Variants in SH2D1B observed in about 807,000 individuals in gnomAD.
SH2D1B encodes SH2 domain containing 1B.
A neutral mutation model predicts 16.3 loss-of-function variants in SH2D1B; 11 were observed. That is an observed-to-expected ratio of 0.67 (90% confidence interval 0.42 to 1.11). The LOEUF (loss-of-function observed/expected upper bound fraction) is 1.11, where lower values mean the gene tolerates loss of function less well. SH2D1B is among the 50% of genes most tolerant of loss of function. The pLI, the probability that SH2D1B is intolerant of heterozygous loss-of-function variation, is 0.00. For missense variants in SH2D1B, 123 were observed against 153.1 expected, an observed-to-expected ratio of 0.80 and a Z score of 1.04; for synonymous variants, 55 against 56.1, an observed-to-expected ratio of 0.98 and a Z score of 0.09.
At chr1:162,403,949 G>A (rs1648590568) in intron 1 of SH2D1B, among the ~76,000 whole-genome samples, 1 of 151,962 alleles carries the variant, frequency 6.6e-6, no homozygotes, top group South Asian at 2.1e-4. Flanking sequence ...AGTGAGAGGG[G>A]GAGGATTAGG....
intron 2 of SH2D1B, among the ~76,000 whole-genome samples, chr1:162,399,681 CCT>C (rs1233415788): frequency 6.6e-6 from 1 of 152,134 alleles, no homozygotes; most frequent in Non-Finnish European, 1.5e-5. Flanking sequence ...CCAACAGGCC[CCT>C]GTGTGTGTTG....
chr1:162,400,286 CTTTTTT>C (rs1241054289), intron 2 of SH2D1B, among the ~76,000 whole-genome samples: 1 of 83,288 alleles, frequency 1.2e-5, no homozygotes, highest in South Asian at 4.5e-4. Flanking sequence ...ACACCACGTA[CTTTTTT>C]TTTTTTTTTT....
At chr1:162,403,531 T>A (rs867527196) in intron 1 of SH2D1B, among the ~76,000 whole-genome samples, 1,945 of 102,948 alleles carry the variant, frequency 0.019, 109 homozygotes, top group South Asian at 0.11. Flanking sequence ...TATATATATA[T>A]ATATATATAT....
At position 162,395,692 on chromosome 1, in the gene SH2D1B, A is replaced by G. The variant is rs1648357850; in HGVS notation, c.*1588T>C. 3 of 152,230 alleles carry G rather than the reference A, an allele frequency of 2.0e-5. No homozygotes were observed. Among genetic ancestry groups the G allele is most frequent in the Non-Finnish European group, 4.4e-5 (3 of 68,048 alleles). 9.4% of individuals were successfully genotyped at this position (152,230 alleles called of 1,614,324 possible). ...TAGTAGATCTAATGAGAGGGTTAAC[A>G]TTTCACCAACACCATATCCTATTAG... On this transcript the variant is annotated 3_prime_UTR_variant, in exon 4 of 4. Transcript: ENST00000367929.
In SH2D1B at chr1:162,412,022, A is replaced by G. The variant is rs1210545699; in HGVS notation, c.-6T>C. 1.2e-6 allele frequency: 2 copies of G among 1,614,066 alleles called. No individual in the cohort carries two copies. Among genetic ancestry groups the G allele is most frequent in the Non-Finnish European group, 1.7e-6 (2 of 1,179,968 alleles). On this transcript the variant is annotated 5_prime_UTR_variant, in exon 1 of 4. Transcript: ENST00000367929. ...TGGTAGTAAGGCAGATCCATGGAGA[A>G]CGCTCTTGTATCCCAGGAAGCCCTG...
At chr1:162,405,591 T>C (rs181331248) in intron 1 of SH2D1B, among the ~76,000 whole-genome samples, 35 of 152,330 alleles carry the variant, frequency 2.3e-4, no homozygotes, top group African/African-American at 7.5e-4. Context: ...ATTTTTGCAG[T>C]TATGTTCTCA....
chr1:162,395,629 C>T lies in SH2D1B; in HGVS notation c.*1651G>A, dbSNP rs970219262. On this transcript the variant is annotated 3_prime_UTR_variant, in exon 4 of 4. Coordinates refer to ENST00000367929, the MANE Select transcript of SH2D1B (RefSeq NM_053282.5). ...TGTTATTATTTATAGCTGACAAAAT[C>T]ATTTACATAGAAAACACAATAGAAT... is the stretch of plus-strand genomic sequence containing the variant. The T allele has an allele frequency of 2.0e-5, 3 of 152,132 alleles. No homozygotes were observed. The highest frequency in any genetic ancestry group is 4.4e-5 in the Non-Finnish European group (3 of 68,012). The allele number at this position is 152,132 out of a possible 1,614,324, so 9.4% of individuals were successfully genotyped here.
At chr1:162,400,039 T>C (rs1044352754) in intron 2 of SH2D1B, among the ~76,000 whole-genome samples, 7 of 152,242 alleles carry the variant, frequency 4.6e-5, no homozygotes, top group Admixed American at 3.3e-4. Context: ...ATGGTGTATA[T>C]GTACCACATT....
rs370447769 is a variant in SH2D1B, at chr1:162,403,574, T to C, written c.135-772A>G. ...TACTATATAACCTCACTACTGTGTA[T>C]ATATCCAATGGAAATGAATCTAGTA... On this transcript the variant is annotated intron_variant, in intron 1 of 3. Coordinates refer to ENST00000367929, the MANE Select transcript of SH2D1B (RefSeq NM_053282.5). 7.2e-5 allele frequency among the ~76,000 whole-genome samples: 10 copies of C among 139,370 alleles called. No individual in the cohort carries two copies. The East Asian group carries it at 1.9e-3, about 26-fold the overall frequency. 91.4% of individuals were successfully genotyped at this position (139,370 alleles called of 152,430 possible). A position where few individuals can be genotyped will look rare whatever the true frequency, so the allele number is the denominator to read the frequency against.
At chr1:162,399,520 A>C (rs778925304) in intron 2 of SH2D1B, among the ~76,000 whole-genome samples, 16 of 152,220 alleles carry the variant, frequency 1.1e-4, no homozygotes, top group Non-Finnish European at 1.3e-4. Context: ...TTTTAAGTTC[A>C]GGGGTACATG....
At position 162,412,088 on chromosome 1, in the gene SH2D1B, GGA is replaced by G; in HGVS notation, c.-74_-73del. 6.3e-7 allele frequency: 1 copy of G among 1,593,092 alleles called. No individual in the cohort carries two copies. The highest frequency in any genetic ancestry group is 1.3e-5 in the African/African-American group (1 of 74,660). On this transcript the variant is annotated 5_prime_UTR_variant, in exon 1 of 4. Coordinates refer to ENST00000367929, the MANE Select transcript of SH2D1B (RefSeq NM_053282.5). ...CCCCCAAGTCAAGGGACAGCTCTGA[GGA>G]GAGATGTGTAAGCAGCTGTACCTCC...
intron 2 of SH2D1B, 111 bp downstream of exon 2, chr1:162,402,628 T>A: frequency 6.8e-6 from 6 of 877,844 alleles, no homozygotes; most frequent in Non-Finnish European, 1.1e-5. Context: ...TGCATTGTGC[T>A]TTCCTTTTTA....
chr1:162,400,828 A>G (rs1052926629), intron 2 of SH2D1B, among the ~76,000 whole-genome samples: 1 of 152,004 alleles, frequency 6.6e-6, no homozygotes, highest in Non-Finnish European at 1.5e-5. Flanking sequence ...AGACGCCTGT[A>G]ATCCCAGCTA....
chr1:162,397,460 G>A (rs1648406012), intron 3 of SH2D1B, 145 bp from the exon 4 acceptor site: 2 of 800,142 alleles, frequency 2.5e-6, no homozygotes, highest in African/African-American at 3.5e-5. Flanking sequence ...TTTAAAGGCT[G>A]GGGTACTACA....
In SH2D1B at chr1:162,411,974, A is replaced by G; in HGVS notation, c.43T>C (p.Cys15Arg). ...YYHGRLTKQD[C>R]ETLLLKEGVD... is the part of the protein sequence containing the mutation. ...CCTTCCTTGAGCAGCAAGGTCTCAC[A>G]GTCTTGCTTGGTCAGACGTCCATGG... is the stretch of plus-strand genomic sequence containing the variant. The change falls in exon 1 of 4, where the codon TGT becomes CGT. Residue 15 changes from cysteine to arginine, a missense_variant. Coordinates refer to ENST00000367929, the MANE Select transcript of SH2D1B (RefSeq NM_053282.5). 1.2e-6 allele frequency: 2 copies of G among 1,614,156 alleles called. No individual in the cohort carries two copies. Among genetic ancestry groups the G allele is most frequent in the South Asian group, 2.2e-5 (2 of 91,080 alleles).
At position 162,412,078 on chromosome 1, in the gene SH2D1B, A is replaced by C. The variant is rs1412834921; in HGVS notation, c.-62T>G. 6.2e-7 allele frequency: 1 copy of C among 1,608,898 alleles called. No homozygotes were observed. Among genetic ancestry groups the C allele is most frequent in the East Asian group, 2.2e-5 (1 of 44,798 alleles). On this transcript the variant is annotated 5_prime_UTR_variant, in exon 1 of 4. Transcript: ENST00000367929. ...CTGAAATTCACCCCCAAGTCAAGGG[A>C]CAGCTCTGAGGAGAGATGTGTAAGC...
chr1:162,397,462 G>T, intron 3 of SH2D1B, 147 bp from the exon 4 acceptor site: 1 of 762,024 alleles, frequency 1.3e-6, no homozygotes, highest in South Asian at 1.7e-5. Flanking sequence ...TAAAGGCTGG[G>T]GTACTACAGG....
chr1:162,410,960 T>C (rs1336437065), intron 1 of SH2D1B, among the ~76,000 whole-genome samples: 1 of 147,308 alleles, frequency 6.8e-6, no homozygotes, highest in Admixed American at 6.8e-5. Flanking sequence ...CCAGCCACTC[T>C]TTTTTCTTTT....
rs1453623924 is a variant in SH2D1B at position 162,406,152 on chromosome 1, A to C, written c.135-3350T>G. ...TCCTGATCTCAGTGTATCTTGGTGC[A>C]ACCTTTTGTGGTACTAATTTTTCAG... On this transcript the variant is annotated intron_variant, in intron 1 of 3. Transcript: ENST00000367929. 2.0e-5 allele frequency among the ~76,000 whole-genome samples: 3 copies of C among 152,302 alleles called. No individual in the cohort carries two copies. In the East Asian group the frequency reaches 5.8e-4, roughly 29 times the overall value.
Sources: allele counts gnomAD v4.1 joint callset (sites outside exome capture counted in the v4.1 genomes callset), GRCh38; gene constraint gnomAD v4.1.1; transcripts MANE v1.5; gene names NCBI Gene and HGNC (gene_info 2026-07-23, HGNC 2026-07-21).